GRIK4: variants seen among roughly 807,000 people sequenced by gnomAD.
The protein encoded by GRIK4 is glutamate ionotropic receptor kainate type subunit 4.
GRIK4 carries 40 observed loss-of-function variants against 104.9 expected under a neutral mutation model. The ratio of observed to expected loss-of-function variants is 0.38; its 90% CI spans 0.30 to 0.50. The LOEUF (loss-of-function observed/expected upper bound fraction) is 0.50, where lower values mean the gene tolerates loss of function less well. GRIK4 is among the 20% of genes least tolerant of loss of function. The pLI is 0.93. For synonymous variants in GRIK4, 485 were observed against 524.9 expected (o/e 0.92, Z 1.04); for missense variants, 1,047 against 1,308.1 (o/e 0.80, Z 3.08).
At chr11:120,686,973 T>C in intron 3 of GRIK4, among the ~76,000 whole-genome samples, 1 of 152,212 alleles carries the variant, frequency 6.6e-6, no homozygotes, top group East Asian at 1.9e-4. Context: ...TTTATAATAA[T>C]TAGTCAAGGG....
At chr11:120,960,048 C>T (rs1274808837) in intron 16 of GRIK4, among the ~76,000 whole-genome samples, 6 of 151,798 alleles carry the variant, frequency 4.0e-5, no homozygotes, top group Middle Eastern at 3.2e-3. Flanking sequence ...AAGAATTTAT[C>T]GGCCAGGTGT....
chr11:120,927,295 A>G (rs1056445807), intron 13 of GRIK4, among the ~76,000 whole-genome samples: 2 of 152,218 alleles, frequency 1.3e-5, no homozygotes, highest in Non-Finnish European at 2.9e-5. Context: ...GGCCGGGCAC[A>G]GTGGCTTACA....
intron 19 of GRIK4, among the ~76,000 whole-genome samples, chr11:120,976,300 T>C (rs1161725942): frequency 2.6e-5 from 4 of 152,312 alleles, no homozygotes; most frequent in South Asian, 4.2e-4. Context: ...CTCTTCTAGT[T>C]TGAGTTCCTT....
chr11:120,725,859 C>T (rs781125166), intron 3 of GRIK4, among the ~76,000 whole-genome samples: 1 of 152,080 alleles, frequency 6.6e-6, no homozygotes, highest in Non-Finnish European at 1.5e-5. Flanking sequence ...TATTACATAC[C>T]AGGTGTTATC....
At chr11:120,598,796 C>T (rs544242368) in intron 1 of GRIK4, among the ~76,000 whole-genome samples, 3 of 152,372 alleles carry the variant, frequency 2.0e-5, no homozygotes, top group Admixed American at 1.3e-4. Context: ...ACTGAGCTGG[C>T]TTGGACCCTG....
intron 1 of GRIK4, among the ~76,000 whole-genome samples, chr11:120,649,325 C>CTTTT (rs1328286949): frequency 6.6e-6 from 1 of 152,064 alleles, no homozygotes; most frequent in Non-Finnish European, 1.5e-5. Context: ...AAAGATAGGG[C>CTTTT]CTACTTTCTG....
rs1293588515 is a variant in GRIK4, at chr11:120,967,894, C to T, written c.2395+571C>T. On this transcript the variant is annotated intron_variant, in intron 19 of 20. Coordinates refer to ENST00000527524, the MANE Select transcript of GRIK4 (RefSeq NM_014619.5). The surrounding 1 kb of genome is among the most constrained non-coding windows in gnomAD (Gnocchi z 4.2). ...GGGCCTGTGCACCTGTTCCCTCCTC[C>T]TGGCCTTCCCTCGAAGAGCTCTTCA... is the stretch of plus-strand genomic sequence containing the variant. 6.6e-6 allele frequency among the ~76,000 whole-genome samples: 1 copy of T among 152,108 alleles called. No individual in the cohort carries two copies. Among genetic ancestry groups the T allele is most frequent in the Non-Finnish European group, 1.5e-5 (1 of 68,022 alleles).
At chr11:120,621,427 G>A (rs997213496) in intron 1 of GRIK4, among the ~76,000 whole-genome samples, 4 of 152,070 alleles carry the variant, frequency 2.6e-5, no homozygotes, top group Non-Finnish European at 4.4e-5. Flanking sequence ...AAGGAAACTC[G>A]TTGTAACAGA....
chr11:120,776,596 C>T (rs564381988), intron 3 of GRIK4, among the ~76,000 whole-genome samples: 45 of 152,290 alleles, frequency 3.0e-4, no homozygotes, highest in East Asian at 1.2e-3. Flanking sequence ...AAAACAAGAA[C>T]GATTTGTTGT....
intron 1 of GRIK4, among the ~76,000 whole-genome samples, chr11:120,640,876 G>GT (rs1450177747): frequency 6.6e-6 from 1 of 152,044 alleles, no homozygotes; most frequent in Non-Finnish European, 1.5e-5. Context: ...GCCCAGCTAA[G>GT]TTTTTTTGTA....
rs936676667 is a variant in GRIK4 at position 120,517,009 on chromosome 11, G to A, written c.-159+5122G>A. On this transcript the variant is annotated intron_variant, in intron 1 of 20. Transcript: ENST00000527524. ...GCCGGGGGCCAGCTTAAGGCATCTCGCGTGCCTCAGTCTCACCTCCCCAGC... is the reference window on the plus strand; with the variant it reads ...GCCGGGGGCCAGCTTAAGGCATCTCACGTGCCTCAGTCTCACCTCCCCAGC... Among the ~76,000 whole-genome samples, 19 of 149,406 alleles carry A rather than the reference G, an allele frequency of 1.3e-4. 1 individual carries two copies. Among genetic ancestry groups the A allele is most frequent in the East Asian group, 1.9e-4 (1 of 5,132 alleles).
intron 3 of GRIK4, among the ~76,000 whole-genome samples, chr11:120,734,309 A>G (rs947970561): frequency 6.6e-6 from 1 of 152,124 alleles, no homozygotes; most frequent in Non-Finnish European, 1.5e-5. Flanking sequence ...TTCACTGAAT[A>G]TATTATTCTA....
intron 1 of GRIK4, among the ~76,000 whole-genome samples, chr11:120,607,480 G>C (rs934215859): frequency 6.6e-6 from 1 of 152,198 alleles, no homozygotes; most frequent in Non-Finnish European, 1.5e-5. Context: ...GGTGAGGGGA[G>C]GGAGGAGTCA....
chr11:120,864,951 C>T (rs756829247), intron 9 of GRIK4, among the ~76,000 whole-genome samples: 11 of 152,216 alleles, frequency 7.2e-5, no homozygotes, highest in Non-Finnish European at 5.9e-5. Context: ...CCCCCGTGGG[C>T]CGCAGATTCT....
chr11:120,984,189 C>A (rs546604377), intron 20 of GRIK4, among the ~76,000 whole-genome samples: 1 of 152,324 alleles, frequency 6.6e-6, no homozygotes, highest in Admixed American at 6.5e-5. Context: ...AATAAAGAGT[C>A]AGTGCTATGT....
At chr11:120,516,412 C>T (rs375746694) in intron 1 of GRIK4, among the ~76,000 whole-genome samples, 11 of 151,882 alleles carry the variant, frequency 7.2e-5, no homozygotes, top group Admixed American at 2.0e-4. Context: ...ACTGGGCGCT[C>T]GGGCACAGGA....
rs1354167080 is a variant in GRIK4 at position 120,953,140 on chromosome 11, C to T, written c.1700+176C>T. Among the ~76,000 whole-genome samples, 1 of 152,042 alleles carries T rather than the reference C, an allele frequency of 6.6e-6. No homozygotes were observed. The highest frequency in any genetic ancestry group is 1.5e-5 in the Non-Finnish European group (1 of 68,000). On this transcript the variant is annotated intron_variant, in intron 15 of 20. Coordinates refer to ENST00000527524, the MANE Select transcript of GRIK4 (RefSeq NM_014619.5). The surrounding 1 kb of genome is among the most constrained non-coding windows in gnomAD (Gnocchi z 4.9). The stretch of plus-strand genomic sequence containing the variant: ...CCTGAAATGCTCTCTGCCCAGCTGT[C>T]GACCTCATGCTGCCCATCCAAACAT...
At chr11:120,980,328 C>A (rs1246495069) in intron 19 of GRIK4, among the ~76,000 whole-genome samples, 1 of 152,200 alleles carries the variant, frequency 6.6e-6, no homozygotes, top group East Asian at 1.9e-4. Context: ...GAAGGTAATT[C>A]ATCCGTGTTG....
chr11:120,978,520 T>C (rs1944599271), intron 19 of GRIK4, among the ~76,000 whole-genome samples: 1 of 152,146 alleles, frequency 6.6e-6, no homozygotes. Context: ...TGAGGATGTG[T>C]CACAGTTAGA....
Sources: gnomAD v4.1 joint callset for allele counts (sites outside exome capture counted in the v4.1 genomes callset) on GRCh38, gnomAD v4.1.1 for gene constraint, Gnocchi (gnomAD v3.1) non-coding constraint, MANE v1.5 for transcripts, NCBI Gene and HGNC (gene_info 2026-07-23, HGNC 2026-07-21) for gene names.